Variants in MYH14 observed in about 807,000 individuals in gnomAD.
MYH14 encodes myosin heavy chain 14, also known as myosin-14.
A neutral mutation model predicts 255.5 loss-of-function variants in MYH14; 123 were observed. The ratio of observed to expected loss-of-function variants is 0.48; its 90% CI spans 0.42 to 0.56. MYH14 has a LOEUF of 0.56. Among genes scored for constraint, MYH14 ranks in the 20% least tolerant of loss-of-function variants. MYH14 has a pLI of 0.00. For synonymous variants in MYH14, 1,095 were observed against 1,161.2 expected (o/e 0.94, Z 1.16); for missense variants, 2,423 against 2,802.3 (o/e 0.86, Z 3.06).
intron 3 of MYH14, among the ~76,000 whole-genome samples, chr19:50,219,533 T>A (rs977361546): frequency 2.4e-4 from 36 of 152,126 alleles, no homozygotes; most frequent in African/African-American, 8.5e-4. Flanking sequence ...ATTGGTTGGG[T>A]GTGGGGCTTT....
At chr19:50,216,811 T>C (rs922719270) in intron 2 of MYH14, among the ~76,000 whole-genome samples, 2 of 82,192 alleles carry the variant, frequency 2.4e-5, no homozygotes, top group African/African-American at 6.6e-5. Context: ...CTTTTTTTTT[T>C]TTTTTTTTTT....
intron 6 of MYH14, chr19:50,224,852 C>G: frequency 2.2e-6 from 1 of 456,392 alleles, no homozygotes; most frequent in East Asian, 6.9e-5. Context: ...GGTCTATAAT[C>G]CCAGCACTTT....
At chr19:50,225,341 T>C (rs1350747702) in intron 6 of MYH14, among the ~76,000 whole-genome samples, 1 of 152,192 alleles carries the variant, frequency 6.6e-6, no homozygotes, top group Non-Finnish European at 1.5e-5. Context: ...CTGCAACTTG[T>C]TTTTTTGTTT....
At position 50,249,808 on chromosome 19, in the gene MYH14, C is replaced by A. The variant is rs1224107917; in HGVS notation, c.1641C>A (p.Asp547Glu). ...GCCTCGACCTGCAGCCCTGCATCGACCTCATCGAGCGGCCGGTGAGCCCCA... is the reference window on the plus strand; with the variant it reads ...GCCTCGACCTGCAGCCCTGCATCGAACTCATCGAGCGGCCGGTGAGCCCCA... ...DFGLDLQPCI[D>E]LIERPANPPG... The change falls in exon 14 of 43, where the codon GAC (aspartate) becomes GAA (glutamate). Residue 547 changes from aspartate (D) to glutamate (E), a missense_variant. Asp to Glu is a conservative substitution (Grantham distance 45). Around this residue, in one of 3 missense-constraint regions of MYH14, gnomAD observed 672 missense variants for 881.8 expected, o/e 0.76. Coordinates refer to ENST00000642316, the MANE Select transcript of MYH14 (RefSeq NM_001145809.2). 1.9e-6 allele frequency: 3 copies of A among 1,614,116 alleles called. No individual in the cohort carries two copies. Among genetic ancestry groups the A allele is most frequent in the African/African-American group, 1.3e-5 (1 of 74,954 alleles).
intron 13 of MYH14, 129 bp downstream of exon 13, chr19:50,249,268 C>G: frequency 8.8e-7 from 1 of 1,130,984 alleles, no homozygotes; most frequent in South Asian, 1.7e-5. Flanking sequence ...CTGTTCCCCC[C>G]TCTCTCTGGT....
intron 2 of MYH14, among the ~76,000 whole-genome samples, chr19:50,215,165 C>T (rs1002617480): frequency 2.0e-5 from 3 of 151,374 alleles, no homozygotes; most frequent in Admixed American, 6.6e-5. Flanking sequence ...CTCAGGTTTC[C>T]GTTCCCAGGG....
At position 50,225,611 on chromosome 19, in the gene MYH14, G is replaced by A; in HGVS notation, c.744G>A (p.Gln248=). The A allele has an allele frequency of 6.2e-7, 1 of 1,613,444 alleles. No homozygotes were observed. The highest frequency in any genetic ancestry group is 8.5e-7 in the Non-Finnish European group (1 of 1,179,818). Residue 248 remains glutamine, a synonymous_variant, in exon 7 of 43, where the codon CAG becomes CAA. Transcript: ENST00000642316. The stretch of plus-strand genomic sequence containing the variant: ...GTGAGCTGGAGCGGCAGCTGCTTCA[G>A]GCCAACCCCATCCTAGAGGCCTTTG... The part of the protein sequence containing the change: ...SYGELERQLL[Q]ANPILEAFGN...
intron 11 of MYH14, among the ~76,000 whole-genome samples, 166 bp from the exon 12 acceptor site, chr19:50,246,838 T>C (rs562809907): frequency 6.6e-6 from 1 of 152,234 alleles, no homozygotes; most frequent in Admixed American, 6.5e-5. Flanking sequence ...AAAAAAATAG[T>C]TGGGCAGAGA....
intron 17 of MYH14, 118 bp downstream of exon 17, chr19:50,255,436 C>A: frequency 1.3e-6 from 1 of 755,190 alleles, no homozygotes; most frequent in Admixed American, 2.1e-5. Flanking sequence ...AGGTCTCTCA[C>A]TCTTCCTTTC....
chr19:50,245,948 CTCCCTCCCTCCCTCCT>C (rs1351103660), intron 11 of MYH14, among the ~76,000 whole-genome samples: 1 of 137,718 alleles, frequency 7.3e-6, no homozygotes, highest in South Asian at 2.6e-4. Flanking sequence ...CCCTCCCTCC[CTCCCTCCCTCCCTCCT>C]TCCCTCCCTC....
Position 50,271,516 on chromosome 19 carries a change from C to T in MYH14, c.3141C>T (p.Leu1047=), listed in dbSNP as rs886054592. The change falls in exon 25 of 43, where the codon CTC becomes CTT. Residue 1047 remains leucine (L), a synonymous_variant. Transcript: ENST00000642316. ...KMKKFEEDLL[L]LEDQNSKLSK... ...AGAAATTTGAAGAGGACCTGCTGCT[C>T]CTGGAAGACCAGAATTCCAAGCTGA... 56 of 1,606,248 alleles carry T rather than the reference C, an allele frequency of 3.5e-5. No individual in the cohort carries two copies. The highest frequency in any genetic ancestry group is 4.5e-5 in the Non-Finnish European group (53 of 1,176,558).
chr19:50,284,021 G>A (rs979107625), intron 33 of MYH14, among the ~76,000 whole-genome samples: 9 of 150,962 alleles, frequency 6.0e-5, no homozygotes, highest in Non-Finnish European at 1.3e-4. Flanking sequence ...GTGGTGAGCC[G>A]AGATCATGCC....
chr19:50,253,570 G>A (rs756704173), intron 16 of MYH14, among the ~76,000 whole-genome samples: 9 of 152,066 alleles, frequency 5.9e-5, no homozygotes, highest in Middle Eastern at 3.4e-3. Context: ...TTCCCTTCAC[G>A]CCCCCAGGGA....
rs79576076 is a variant in MYH14, at chr19:50,240,106, T to C, written c.1115-4136T>C. Among the ~76,000 whole-genome samples, 796 of 152,332 alleles carry C rather than the reference T, an allele frequency of 5.2e-3. 8 individuals are homozygous for C. The highest frequency in any genetic ancestry group is 0.019 in the African/African-American group (771 of 41,572). On this transcript the variant is annotated intron_variant, in intron 10 of 42. Coordinates refer to ENST00000642316, the MANE Select transcript of MYH14 (RefSeq NM_001145809.2). ...ATAGAATCACACGGTGTGCAGTTTC[T>C]CACCTGGCTTCTGTCACTCAGCCGT...
At chr19:50,259,079 G>A (rs1400398873) in intron 18 of MYH14, 65 bp from the exon 19 acceptor site, 7 of 1,518,512 alleles carry the variant, frequency 4.6e-6, no homozygotes, top group Admixed American at 4.2e-5. Flanking sequence ...AAATTGCCAA[G>A]CTTGACCGTT....
Position 50,309,664 on chromosome 19 carries a change from CCGCACGGTG to C in MYH14, c.5989_5997del (p.Thr1997_Arg1999del), listed in dbSNP as rs779702927. On this transcript the variant is annotated inframe_deletion, in exon 43 of 43. Transcript: ENST00000642316. ...GACGCGGCCCCCTCACCTTCACCAC[CCGCACGGTG>C]CGCCAGGTCTTCCGACTAGAGGAGG... 1.2e-6 allele frequency: 2 copies of C among 1,611,126 alleles called. No homozygotes were observed. Among genetic ancestry groups the C allele is most frequent in the Non-Finnish European group, 1.7e-6 (2 of 1,178,898 alleles).
At chr19:50,220,396 A>G (rs2032757953) in intron 3 of MYH14, among the ~76,000 whole-genome samples, 1 of 148,854 alleles carries the variant, frequency 6.7e-6, no homozygotes, top group African/African-American at 2.4e-5. Flanking sequence ...TTTTTATTTT[A>G]TTATACTTTA....
At position 50,266,919 on chromosome 19, in the gene MYH14, C is replaced by T. The variant is rs1480995206; in HGVS notation, c.2737C>T (p.Gln913Ter). Residue 913 changes from glutamine to a stop codon, truncating the protein, a stop_gained, in exon 23 of 43, where the codon CAG (glutamine) becomes TAG (stop). Transcript: ENST00000642316. LOFTEE classifies it high-confidence loss of function. The surrounding 1 kb of genome is among the most constrained non-coding windows in gnomAD (Gnocchi z 4.1). The stretch of plus-strand genomic sequence containing the variant: ...GGTGACGCGGCAGGATGAGGTGCTG[C>T]AGGCACGGGCCCAGGAGCTGCAGAA... ...LQVTRQDEVL[Q>*]ARAQELQKVQ... The T allele has an allele frequency of 6.4e-7, 1 of 1,552,654 alleles. No individual in the cohort carries two copies. Among genetic ancestry groups the T allele is most frequent in the Non-Finnish European group, 8.7e-7 (1 of 1,147,534 alleles).
intron 18 of MYH14, chr19:50,258,324 T>G (rs970596906): frequency 3.3e-5 from 5 of 152,182 alleles, no homozygotes; most frequent in African/African-American, 4.8e-5. Context: ...CTGTCAGGGT[T>G]TAATTACCAG....
Sources: allele counts gnomAD v4.1 joint callset (sites outside exome capture counted in the v4.1 genomes callset), GRCh38; gene constraint gnomAD v4.1.1; regional missense constraint gnomAD v4.1.1; non-coding constraint Gnocchi (gnomAD v3.1); transcripts MANE v1.5; gene names NCBI Gene and HGNC (gene_info 2026-07-23, HGNC 2026-07-21).